Variants in ANGEL2 observed in about 807,000 individuals in gnomAD.
ANGEL2 encodes RNA 2',3'-cyclic phosphatase ANGEL2.
A neutral mutation model predicts 66.0 loss-of-function variants in ANGEL2; 41 were observed. That is an observed-to-expected ratio of 0.62 (90% confidence interval 0.48 to 0.81). ANGEL2 has a LOEUF of 0.81. Among genes scored for constraint, ANGEL2 ranks in the 30% least tolerant of loss-of-function variants. The probability of loss-of-function intolerance (pLI) is 0.00; values close to 1 mark genes in which losing one functional copy is unlikely to be tolerated. For missense variants in ANGEL2, 561 were observed against 641.6 expected, an observed-to-expected ratio of 0.87 and a Z score of 1.36; for synonymous variants, 208 against 226.5, an observed-to-expected ratio of 0.92 and a Z score of 0.73.
At position 213,008,380 on chromosome 1, in the gene ANGEL2, A is replaced by C; in HGVS notation, c.472T>G (p.Cys158Gly). ...ILGDKNVDPK[C>G]EDSENKFDFS... is the part of the protein sequence containing the mutation. ...TCAAACTTGTTCTCACTGTCTTCAC[A>C]TTTGGGATCAACATTTTTGTCTCCT... Residue 158 changes from cysteine (C) to glycine (G), a missense_variant, in exon 3 of 9, where the codon TGT (cysteine) becomes GGT (glycine). Transcript: ENST00000366962. 1 of 1,614,204 alleles carries C rather than the reference A, an allele frequency of 6.2e-7. No homozygotes were observed. The highest frequency in any genetic ancestry group is 1.1e-5 in the South Asian group (1 of 91,080).
rs763638375 is a variant in ANGEL2, at chr1:213,005,442, TCA to T, written c.723_724del (p.Cys241Ter). 5.0e-6 allele frequency: 8 copies of T among 1,599,322 alleles called. No individual in the cohort carries two copies. The highest frequency in any genetic ancestry group is 6.8e-6 in the Non-Finnish European group (8 of 1,172,994). ...TTTCCTTCCTGTCCGCATCTTATAT[TCA>T]CAGTGATAACCTACAAGAAACAAAT... On this transcript the variant is annotated stop_gained and frameshift_variant, in exon 5 of 9. Coordinates refer to ENST00000366962, the MANE Select transcript of ANGEL2 (RefSeq NM_144567.5). LOFTEE classifies it high-confidence loss of function.
At chr1:212,995,415 T>C (rs1558164989) in intron 8 of ANGEL2, among the ~76,000 whole-genome samples, 1 of 152,246 alleles carries the variant, frequency 6.6e-6, no homozygotes, top group Non-Finnish European at 1.5e-5. Flanking sequence ...TCCAGCTCTG[T>C]AAACAATCTT....
At chr1:213,011,788 T>A (rs749639828) in intron 2 of ANGEL2, among the ~76,000 whole-genome samples, 1 of 152,182 alleles carries the variant, frequency 6.6e-6, no homozygotes, top group African/African-American at 2.4e-5. Flanking sequence ...TCTGAAAGCA[T>A]CCCAGATTTC....
intron 4 of ANGEL2, 108 bp downstream of exon 4, chr1:213,007,021 T>A: frequency 1.0e-6 from 1 of 1,003,880 alleles, no homozygotes; most frequent in African/African-American, 1.6e-5. Context: ...TTGAGCCCAG[T>A]AGGTTGAGGC....
chr1:213,005,814 C>A (rs919973575), intron 4 of ANGEL2, among the ~76,000 whole-genome samples: 1 of 152,222 alleles, frequency 6.6e-6, no homozygotes. Flanking sequence ...TCCAATCTCA[C>A]TGGCCTCCTC....
At chr1:212,999,299 C>T (rs1446485005) in intron 7 of ANGEL2, among the ~76,000 whole-genome samples, 1 of 152,194 alleles carries the variant, frequency 6.6e-6, no homozygotes, top group Non-Finnish European at 1.5e-5. Context: ...TAGGCGTGAG[C>T]CAACACGCCC....
Position 213,000,773 on chromosome 1 carries a change from T to A in ANGEL2, c.1261+13A>T. 1 of 1,597,692 alleles carries A rather than the reference T, an allele frequency of 6.3e-7. No homozygotes were observed. The highest frequency in any genetic ancestry group is 8.5e-7 in the Non-Finnish European group (1 of 1,176,842). On this transcript the variant is annotated intron_variant, in intron 6 of 8. Transcript: ENST00000366962. ...TACCCAGCAGACTGCCAAAATGTATTACAAACACTTACCTGTCTTTTCTAC... is the reference window on the plus strand; with the variant it reads ...TACCCAGCAGACTGCCAAAATGTATAACAAACACTTACCTGTCTTTTCTAC...
intron 6 of ANGEL2, 171 bp downstream of exon 6, chr1:213,000,615 T>C (rs1224011486): frequency 1.5e-5 from 12 of 794,154 alleles, no homozygotes; most frequent in Non-Finnish European, 2.2e-5. Flanking sequence ...TTCTGGAAGT[T>C]CAACTTTAAA....
Position 213,005,767 on chromosome 1 carries a change from G to C in ANGEL2, c.713-313C>G, listed in dbSNP as rs115509540. Among the ~76,000 whole-genome samples, 1,328 of 152,160 alleles carry C rather than the reference G, an allele frequency of 8.7e-3. 21 individuals carry two copies. Among genetic ancestry groups the C allele is most frequent in the African/African-American group, 0.03 (1,236 of 41,478 alleles). On this transcript the variant is annotated intron_variant, in intron 4 of 8. Coordinates refer to ENST00000366962, the MANE Select transcript of ANGEL2 (RefSeq NM_144567.5). The stretch of plus-strand genomic sequence containing the variant: ...CTCACTCTCTCCACCCTATATTCCT[G>C]ATCTTTTTGCCTGTAACTCCTTCCC...
chr1:213,000,796 T>C lies in ANGEL2; in HGVS notation c.1251A>G (p.Val417=). Residue 417 remains valine (V), a synonymous_variant, in exon 6 of 9, where the codon GTA becomes GTG. Coordinates refer to ENST00000366962, the MANE Select transcript of ANGEL2 (RefSeq NM_144567.5). ...ATTACAAACACTTACCTGTCTTTTC[T>C]ACTTTTGGTACCTGCTGTACCTCAT... ...CVYEVQQVPK[V]EKTDSDLTQT... 1 of 1,605,822 alleles carries C rather than the reference T, an allele frequency of 6.2e-7. No individual in the cohort carries two copies. Among genetic ancestry groups the C allele is most frequent in the Non-Finnish European group, 8.5e-7 (1 of 1,178,732 alleles).
In ANGEL2 at chr1:212,994,323, AG is replaced by A. The variant is rs2075941611; in HGVS notation, c.*717del. The A allele has an allele frequency of 6.6e-6, 1 of 152,198 alleles. No individual in the cohort carries two copies. Among genetic ancestry groups the A allele is most frequent in the African/African-American group, 2.4e-5 (1 of 41,438 alleles). The allele number at this position is 152,198 out of a possible 1,614,324, so 9.4% of individuals were successfully genotyped here. ...ATAAAAATAAATAAATAAAAATGCT[AG>A]GGAAACAAAGGTATATCCCCAGTCT... On this transcript the variant is annotated 3_prime_UTR_variant, in exon 9 of 9. Transcript: ENST00000366962.
At chr1:213,015,081 T>TGAAAC in intron 1 of ANGEL2, 1 of 977,738 alleles carries the variant, frequency 1.0e-6, no homozygotes. Flanking sequence ...ATAATACACG[T>TGAAAC]GAAACAAGAA....
At chr1:213,012,062 C>A (rs1393899512) in intron 2 of ANGEL2, among the ~76,000 whole-genome samples, 1 of 152,076 alleles carries the variant, frequency 6.6e-6, no homozygotes, top group Non-Finnish European at 1.5e-5. Flanking sequence ...TGACTAGGTC[C>A]TTTGTAACTG....
At chr1:213,004,211 A>T (rs140202194) in intron 5 of ANGEL2, among the ~76,000 whole-genome samples, 1 of 152,148 alleles carries the variant, frequency 6.6e-6, no homozygotes, top group Non-Finnish European at 1.5e-5. Context: ...AAAAAAAAAA[A>T]TAAATAATTT....
chr1:213,008,068 T>C (rs906672883), intron 3 of ANGEL2, 142 bp downstream of exon 3: 4 of 858,534 alleles, frequency 4.7e-6, no homozygotes, highest in Non-Finnish European at 7.0e-6. Flanking sequence ...TTCTCCATGT[T>C]GGTCAGGCTG....
At chr1:213,004,156 C>T (rs867548015) in intron 5 of ANGEL2, among the ~76,000 whole-genome samples, 1 of 151,376 alleles carries the variant, frequency 6.6e-6, no homozygotes. Flanking sequence ...GAGCCGAGAT[C>T]CCACCATTGC....
chr1:213,015,656 A>G lies in ANGEL2; in HGVS notation c.16T>C (p.Cys6Arg). ...CAGTGGCCGTAGCCCTTCCTCACAC[A>G]GCGCCAGGCTTCCATCTTCGCCCTC... MEAWR[C>R]VRKGYGHCVV... The change falls in exon 1 of 9, where the codon TGT becomes CGT. Residue 6 changes from cysteine to arginine, a missense_variant. Coordinates refer to ENST00000366962, the MANE Select transcript of ANGEL2 (RefSeq NM_144567.5). The G allele has an allele frequency of 3.7e-6, 6 of 1,613,698 alleles. No homozygotes were observed. Among genetic ancestry groups the G allele is most frequent in the Non-Finnish European group, 5.1e-6 (6 of 1,179,962 alleles).
rs765866624 is a variant in ANGEL2 at position 213,015,678 on chromosome 1, C to T, written c.-7G>A. ...CACAGCGCCAGGCTTCCATCTTCGC[C>T]CTCCGCGTGCGTCCAGTTCCCAGGC... On this transcript the variant is annotated 5_prime_UTR_variant, in exon 1 of 9. Transcript: ENST00000366962. 16 of 1,614,050 alleles carry T rather than the reference C, an allele frequency of 9.9e-6. No individual in the cohort carries two copies. Among genetic ancestry groups the T allele is most frequent in the South Asian group, 2.2e-5 (2 of 91,088 alleles).
Position 213,005,112 on chromosome 1 carries a change from A to G in ANGEL2, c.1055T>C (p.Phe352Ser). 1 of 1,613,802 alleles carries G rather than the reference A, an allele frequency of 6.2e-7. No individual in the cohort carries two copies. The highest frequency in any genetic ancestry group is 8.5e-7 in the Non-Finnish European group (1 of 1,179,910). Residue 352 changes from phenylalanine to serine, a missense_variant, in exon 5 of 9, where the codon TTT becomes TCT. Physicochemically the swap from Phe to Ser is radical, Grantham distance 155 (BLOSUM62 -2). Transcript: ENST00000366962. The stretch of plus-strand genomic sequence containing the variant: ...TAGTGGAGAACCAGGAACAGAATTA[A>G]AGTCACCACACATAACAATAGGGCA... ...SFCPIVMCGD[F>S]NSVPGSPLYS... is the part of the protein sequence containing the mutation.
Sources: allele counts gnomAD v4.1 joint callset (sites outside exome capture counted in the v4.1 genomes callset), GRCh38; gene constraint gnomAD v4.1.1; transcripts MANE v1.5; gene names NCBI Gene and HGNC (gene_info 2026-07-23, HGNC 2026-07-21).